SLC35D1: variants seen among roughly 807,000 people sequenced by gnomAD.
SLC35D1 encodes solute carrier family 35 member D1.
Under a neutral mutation model 46.7 loss-of-function variants are expected in SLC35D1, and 31 were observed. That is an observed-to-expected ratio of 0.66 (90% CI 0.50 to 0.90). SLC35D1 has a LOEUF of 0.90. Ranked by LOEUF, SLC35D1 falls within the 40% of genes least tolerant of loss-of-function variation. The pLI is 0.00. For synonymous variants in SLC35D1, 195 were observed against 164.6 expected (o/e 1.18, Z -1.41); for missense variants, 397 against 426.2 (o/e 0.93, Z 0.60).
chr1:67,016,247 T>C (rs945598905), intron 10 of SLC35D1, among the ~76,000 whole-genome samples: 5 of 152,112 alleles, frequency 3.3e-5, no homozygotes, highest in Non-Finnish European at 7.4e-5. Context: ...AATAATCAAA[T>C]TTCCTTGTCA....
At chr1:67,036,543 T>C (rs1668126659) in intron 8 of SLC35D1, among the ~76,000 whole-genome samples, 1 of 152,238 alleles carries the variant, frequency 6.6e-6, no homozygotes, top group East Asian at 1.9e-4. Context: ...CTTCTTTGTG[T>C]CTTACAGTTT....
Position 67,004,463 on chromosome 1 carries a change from G to T in SLC35D1, c.960-15C>A. Reference sequence around the variant, plus strand: ...TCCCAGCAATGCTGCAAAACAGAAAGCCACTATCAGAGATGGAGGAAGGGA... The same window carrying T: ...TCCCAGCAATGCTGCAAAACAGAAATCCACTATCAGAGATGGAGGAAGGGA... On this transcript the variant is annotated splice_polypyrimidine_tract_variant and intron_variant, in intron 11 of 11. Transcript: ENST00000235345. 6.2e-7 allele frequency: 1 copy of T among 1,609,612 alleles called. No individual in the cohort carries two copies. Among genetic ancestry groups the T allele is most frequent in the Non-Finnish European group, 8.5e-7 (1 of 1,176,148 alleles).
At position 67,054,038 on chromosome 1, in the gene SLC35D1, G is replaced by C. The variant is rs375862170; in HGVS notation, c.-25C>G. The C allele has an allele frequency of 4.4e-6, 7 of 1,603,822 alleles. 1 individual carries two copies. The highest frequency in any genetic ancestry group is 1.8e-4 in the Middle Eastern group (1 of 5,412). On this transcript the variant is annotated 5_prime_UTR_variant, in exon 1 of 12. Transcript: ENST00000235345. ...TGGCTGCCGCAGCAGCGGTGGCCTGGCGGCGGGGCCTAGCGGCTCGGGGGC... is the reference window on the plus strand; with the variant it reads ...TGGCTGCCGCAGCAGCGGTGGCCTGCCGGCGGGGCCTAGCGGCTCGGGGGC...
chr1:67,046,379 G>GA (rs1441341065), intron 7 of SLC35D1, among the ~76,000 whole-genome samples: 5 of 152,062 alleles, frequency 3.3e-5, no homozygotes, highest in African/African-American at 1.2e-4. Flanking sequence ...ACACATAATA[G>GA]AAAAGACTAA....
rs1171017080 is a variant in SLC35D1 at position 67,001,026 on chromosome 1, A to C, written c.*3314T>G. On this transcript the variant is annotated 3_prime_UTR_variant, in exon 12 of 12. Coordinates refer to ENST00000235345, the MANE Select transcript of SLC35D1 (RefSeq NM_015139.3). Reference sequence around the variant, plus strand: ...TCTCCCACTCAGGGTCCAGGTTTCCATATCTGGCTAAAGAATTACACACTC... The same window carrying C: ...TCTCCCACTCAGGGTCCAGGTTTCCCTATCTGGCTAAAGAATTACACACTC... The C allele has an allele frequency of 6.6e-6, 1 of 152,324 alleles. No homozygotes were observed. The highest frequency in any genetic ancestry group is 2.4e-5 in the African/African-American group (1 of 41,428). 9.4% of individuals were successfully genotyped at this position (152,324 alleles called of 1,614,324 possible). A position where few individuals can be genotyped will look rare whatever the true frequency, so the allele number is the denominator to read the frequency against.
At chr1:66,988,647 CTT>C in the SLC35D1 span, 1 of 152,270 alleles carries the variant, frequency 6.6e-6, no homozygotes, top group Non-Finnish European at 1.5e-5. Flanking sequence ...TTTGAACACA[CTT>C]TTAAAGGCTA....
chr1:66,991,794 C>G, the SLC35D1 span, among the ~76,000 whole-genome samples: 2 of 149,152 alleles, frequency 1.3e-5, no homozygotes, highest in Non-Finnish European at 3.0e-5. Flanking sequence ...ATATTTACAG[C>G]TTTTTTTTTT....
At chr1:67,021,491 T>A in intron 9 of SLC35D1, 44 bp downstream of exon 9, 1 of 1,601,600 alleles carries the variant, frequency 6.2e-7, no homozygotes, top group Non-Finnish European at 8.6e-7. Context: ...CTCTAACCTA[T>A]TTCTTTAGGA....
At chr1:67,015,139 ACACAT>A (rs1667655746) in intron 10 of SLC35D1, among the ~76,000 whole-genome samples, 1 of 143,488 alleles carries the variant, frequency 7.0e-6, no homozygotes. Context: ...AGGTTATAAA[ACACAT>A]AAAAATGTGT....
At chr1:66,985,749 G>A in the SLC35D1 span, 361 of 969,812 alleles carry the variant, frequency 3.7e-4, no homozygotes, top group Non-Finnish European at 4.3e-4. Context: ...ATTTTTAAGT[G>A]TTTGTGTAGT....
intron 8 of SLC35D1, among the ~76,000 whole-genome samples, chr1:67,036,711 T>TC (rs1491095199): frequency 3.9e-5 from 1 of 25,818 alleles, no homozygotes; most frequent in Non-Finnish European, 1.3e-4. Context: ...TCACTGGGTC[T>TC]TTTTTTTTTT....
rs747050701 is a variant in SLC35D1, at chr1:67,042,245, A to T, written c.720T>A (p.Asp240Glu). The change falls in exon 8 of 12, where the codon GAT (aspartate) becomes GAA (glutamate). Residue 240 changes from aspartate to glutamate, a missense_variant. Asp to Glu is a conservative substitution (Grantham distance 45, BLOSUM62 2). Coordinates refer to ENST00000235345, the MANE Select transcript of SLC35D1 (RefSeq NM_015139.3). ...AATTAGAAAGTCCTACCTTTTGTGCATCTCCTGTGAAATACGCAATGGCCA... is the reference window on the plus strand; with the variant it reads ...AATTAGAAAGTCCTACCTTTTGTGCTTCTCCTGTGAAATACGCAATGGCCA... ...PTLAIAYFTGDAQKAVEFEGW... is the reference protein window; with the variant it reads ...PTLAIAYFTGEAQKAVEFEGW... The T allele has an allele frequency of 1.7e-5, 27 of 1,613,906 alleles. No homozygotes were observed. The highest frequency in any genetic ancestry group is 2.2e-5 in the Non-Finnish European group (26 of 1,179,894).
At chr1:67,028,549 A>G (rs67073063) in intron 8 of SLC35D1, among the ~76,000 whole-genome samples, 29,554 of 152,124 alleles carry the variant, frequency 0.19, 5,339 homozygotes, top group African/African-American at 0.49. Context: ...GGACCATTAT[A>G]TCCTTTTGAG....
intron 4 of SLC35D1, 146 bp from the exon 5 acceptor site, chr1:67,050,650 T>A: frequency 1.4e-6 from 1 of 695,772 alleles, no homozygotes; most frequent in Non-Finnish European, 2.5e-6. Flanking sequence ...CCTGCTTCTC[T>A]CTAGAAGCAA....
the SLC35D1 span, among the ~76,000 whole-genome samples, chr1:66,973,310 T>C: frequency 6.6e-6 from 1 of 152,106 alleles, no homozygotes; most frequent in Non-Finnish European, 1.5e-5. Context: ...TGTGACTGTT[T>C]TATGGAGGGC....
chr1:67,013,158 A>ATATATATATATATATGTATATATG, intron 10 of SLC35D1, among the ~76,000 whole-genome samples: 15 of 103,590 alleles, frequency 1.4e-4, no homozygotes, highest in South Asian at 5.6e-4. Flanking sequence ...TATCCTGGAG[A>ATATATATATATATATGTATATATG]TATATATATA....
the SLC35D1 span, among the ~76,000 whole-genome samples, chr1:66,974,029 T>A: frequency 2.0e-5 from 3 of 152,090 alleles, no homozygotes; most frequent in African/African-American, 4.8e-5. Flanking sequence ...ATTAATAAAA[T>A]ATTTACAAAT....
intron 9 of SLC35D1, among the ~76,000 whole-genome samples, chr1:67,020,894 T>G (rs926963700): frequency 7.2e-5 from 11 of 152,160 alleles, no homozygotes; most frequent in African/African-American, 2.7e-4. Context: ...GGGATACAGG[T>G]TCACTTAACA....
chr1:67,047,674 T>A (rs1645266191), intron 6 of SLC35D1, among the ~76,000 whole-genome samples: 1 of 150,666 alleles, frequency 6.6e-6, no homozygotes, highest in Admixed American at 6.6e-5. Flanking sequence ...TACCATTAAG[T>A]ACATCTGTGA....
Sources: gnomAD v4.1 joint callset for allele counts (sites outside exome capture counted in the v4.1 genomes callset) on GRCh38, gnomAD v4.1.1 for gene constraint, MANE v1.5 for transcripts, NCBI Gene and HGNC (gene_info 2026-07-23, HGNC 2026-07-21) for gene names.